Variants in COL5A2 observed in about 807,000 individuals in gnomAD.
COL5A2 encodes collagen type V alpha 2 chain, also known as collagen alpha-2(V) chain.
In COL5A2, 23 loss-of-function variants were observed where a neutral mutation model predicts 208.2. The ratio of observed to expected loss-of-function variants is 0.11; its 90% CI spans 0.08 to 0.16. The LOEUF (loss-of-function observed/expected upper bound fraction) is 0.16, where lower values mean the gene tolerates loss of function less well. Ranked by LOEUF, COL5A2 falls within the 10% of genes least tolerant of loss-of-function variation. The pLI is 1.00. For missense variants in COL5A2, 1,590 were observed against 1,956.4 expected (o/e 0.81, Z 3.53); for synonymous variants, 625 against 628.5 (o/e 0.99, Z 0.08).
At chr2:189,079,346 C>A (rs1686483058) in intron 14 of COL5A2, among the ~76,000 whole-genome samples, 1 of 152,048 alleles carries the variant, frequency 6.6e-6, no homozygotes, top group South Asian at 2.1e-4. Context: ...ACTATCATAC[C>A]TAGCCACAGT....
intron 31 of COL5A2, among the ~76,000 whole-genome samples, chr2:189,060,266 G>A (rs1366449915): frequency 1.3e-5 from 2 of 152,098 alleles, no homozygotes; most frequent in Non-Finnish European, 2.9e-5. Flanking sequence ...TATACTGTAA[G>A]GACAGCAAGG....
chr2:189,067,393 T>C (rs1249369398), intron 21 of COL5A2, among the ~76,000 whole-genome samples: 1 of 152,152 alleles, frequency 6.6e-6, no homozygotes, highest in African/African-American at 2.4e-5. Context: ...ACCAGCACTT[T>C]AAGAGAATTT....
the COL5A2 span, among the ~76,000 whole-genome samples, chr2:189,358,440 TATTTATGAC>T: frequency 6.6e-6 from 1 of 152,208 alleles, no homozygotes; most frequent in Non-Finnish European, 1.5e-5. Context: ...ATAGCTGCTG[TATTTATGAC>T]ATTTTCATGC....
intron 1 of COL5A2, among the ~76,000 whole-genome samples, chr2:189,189,229 T>G (rs1448054158): frequency 6.6e-6 from 1 of 152,186 alleles, no homozygotes; most frequent in Non-Finnish European, 1.5e-5. Flanking sequence ...ATAAAAATAT[T>G]CATCCCTCTC....
At chr2:189,257,278 A>G in the COL5A2 span, among the ~76,000 whole-genome samples, 4,944 of 152,298 alleles carry the variant, frequency 0.032, 85 homozygotes, top group Admixed American at 0.047. Context: ...TATTTTATAG[A>G]ACATTTTCTA....
chr2:189,149,231 T>G (rs1688098723), intron 1 of COL5A2, among the ~76,000 whole-genome samples: 1 of 152,190 alleles, frequency 6.6e-6, no homozygotes, highest in Non-Finnish European at 1.5e-5. Context: ...GTGCTAATGT[T>G]AGGTGAAGAT....
At chr2:189,424,720 T>C in the COL5A2 span, among the ~76,000 whole-genome samples, 1 of 152,272 alleles carries the variant, frequency 6.6e-6, no homozygotes, top group East Asian at 1.9e-4. Flanking sequence ...AAATAACTAA[T>C]ATTGTTACAA....
chr2:189,084,729 T>A (rs1686612957), intron 11 of COL5A2, among the ~76,000 whole-genome samples: 1 of 152,212 alleles, frequency 6.6e-6, no homozygotes, highest in Non-Finnish European at 1.5e-5. Flanking sequence ...AAGAAATCAT[T>A]TTTTCATCAT....
chr2:189,434,129 GC>G, the COL5A2 span, among the ~76,000 whole-genome samples: 3,657 of 152,160 alleles, frequency 0.024, 160 homozygotes, highest in African/African-American at 0.084. Flanking sequence ...AAATTCAACA[GC>G]CCTTCATGCT....
chr2:189,352,811 T>C, the COL5A2 span, among the ~76,000 whole-genome samples: 2 of 152,228 alleles, frequency 1.3e-5, no homozygotes, highest in African/African-American at 2.4e-5. Flanking sequence ...CATTTGTCAA[T>C]GTTGGCTTCT....
At chr2:189,274,025 G>A in the COL5A2 span, among the ~76,000 whole-genome samples, 1 of 151,524 alleles carries the variant, frequency 6.6e-6, no homozygotes, top group African/African-American at 2.4e-5. Flanking sequence ...AAAATGATAA[G>A]AATGTGAGGT....
chr2:189,093,236 G>C (rs891841734), intron 6 of COL5A2, among the ~76,000 whole-genome samples: 2 of 152,126 alleles, frequency 1.3e-5, no homozygotes, highest in African/African-American at 2.4e-5. Flanking sequence ...TTCCCACAAG[G>C]CTAGTTAAGT....
chr2:189,369,639 T>G, the COL5A2 span, among the ~76,000 whole-genome samples: 5,530 of 152,248 alleles, frequency 0.036, 114 homozygotes, highest in Admixed American at 0.05. Flanking sequence ...GAAGGACATT[T>G]GTACTGATAA....
the COL5A2 span, among the ~76,000 whole-genome samples, chr2:189,313,887 G>T: frequency 6.6e-6 from 1 of 152,162 alleles, no homozygotes; most frequent in East Asian, 1.9e-4. Context: ...TCAGCAAGAA[G>T]AATTAACTAT....
intron 45 of COL5A2, among the ~76,000 whole-genome samples, chr2:189,046,670 G>A (rs1455325366): frequency 6.6e-6 from 1 of 152,068 alleles, no homozygotes; most frequent in African/African-American, 2.4e-5. Context: ...TATTTGACTT[G>A]AAAAATTGAG....
chr2:189,123,175 G>C (rs1213217829), intron 1 of COL5A2, among the ~76,000 whole-genome samples: 1 of 152,084 alleles, frequency 6.6e-6, no homozygotes, highest in Non-Finnish European at 1.5e-5. Flanking sequence ...CGTTGGTCAG[G>C]CTGGTCTCAA....
the COL5A2 span, among the ~76,000 whole-genome samples, chr2:189,251,597 C>T: frequency 4.6e-5 from 7 of 151,850 alleles, no homozygotes; most frequent in East Asian, 1.4e-3. Context: ...TTTTCTCGAG[C>T]TCAAAACATT....
intron 44 of COL5A2, 145 bp from the exon 45 acceptor site, chr2:189,048,407 G>T: frequency 3.0e-6 from 2 of 664,076 alleles, no homozygotes; most frequent in South Asian, 1.9e-5. Flanking sequence ...CAGAAGAACG[G>T]TTTCTACCTC....
rs543600949 is a variant in COL5A2, at chr2:189,193,657, T to C, written c.-42+31491A>G. Among the ~76,000 whole-genome samples, 5 of 152,328 alleles carry C rather than the reference T, an allele frequency of 3.3e-5. No individual in the cohort carries two copies. The South Asian group carries it at 1.0e-3, about 32-fold the overall frequency. On this transcript the variant is annotated intron_variant, in intron 1 of 10. Coordinates refer to the COL5A2 transcript ENST00000649966. ...AAATAACATGCAAAAATTACACAAG[T>C]AGTGAGTAAATCACTCAAGACACAA... is the stretch of plus-strand genomic sequence containing the variant.
Sources: gnomAD v4.1 joint callset for allele counts (sites outside exome capture counted in the v4.1 genomes callset) on GRCh38, gnomAD v4.1.1 for gene constraint, MANE v1.5 for transcripts, NCBI Gene and HGNC (gene_info 2026-07-23, HGNC 2026-07-21) for gene names.